The following RNF2 variants were observed in gnomAD, a reference collection of about 807,000 sequenced individuals.
The protein encoded by RNF2 is E3 ubiquitin-protein ligase RING2.
In RNF2, 6 loss-of-function variants were observed where a neutral mutation model predicts 37.2. The observed-to-expected ratio is 0.16, with a 90% CI of 0.09 to 0.32. RNF2 has a LOEUF of 0.32. RNF2 is among the 10% of genes least tolerant of loss of function. The probability of loss-of-function intolerance (pLI) is 1.00; values close to 1 mark genes in which losing one functional copy is unlikely to be tolerated. For missense variants in RNF2, 251 were observed against 404.0 expected, an observed-to-expected ratio of 0.62 and a Z score of 3.25; for synonymous variants, 133 against 132.7, an observed-to-expected ratio of 1.00 and a Z score of -0.02.
chr1:185,053,335 T>C (rs895177559), intron 1 of RNF2, among the ~76,000 whole-genome samples: 1 of 151,414 alleles, frequency 6.6e-6, no homozygotes, highest in Non-Finnish European at 1.5e-5. Context: ...CCTTTTTTTC[T>C]TTTTCTTTTT....
chr1:185,071,529 G>C (rs143463413), intron 1 of RNF2: 1 of 152,442 alleles, frequency 6.6e-6, no homozygotes, highest in East Asian at 1.9e-4. Flanking sequence ...GGCATCGTGC[G>C]TTTAGAGTCC....
chr1:185,068,060 A>G (rs937643216), intron 1 of RNF2, among the ~76,000 whole-genome samples: 2 of 147,752 alleles, frequency 1.4e-5, no homozygotes, highest in Admixed American at 6.7e-5. Flanking sequence ...CTGGAGTGCA[A>G]TGGTACGATC....
intron 1 of RNF2, among the ~76,000 whole-genome samples, chr1:185,047,838 G>A (rs1266592103): frequency 6.6e-6 from 1 of 152,130 alleles, no homozygotes; most frequent in African/African-American, 2.4e-5. Context: ...TTTTTAATTC[G>A]TGTTATTGCA....
intron 1 of RNF2, among the ~76,000 whole-genome samples, chr1:185,070,407 G>A (rs1004181738): frequency 2.6e-5 from 4 of 152,150 alleles, no homozygotes; most frequent in Non-Finnish European, 5.9e-5. Context: ...AACATAAAGG[G>A]ATCCCTAAAA....
chr1:185,059,096 C>CT (rs1025077947), intron 1 of RNF2, among the ~76,000 whole-genome samples: 3 of 152,080 alleles, frequency 2.0e-5, no homozygotes, highest in African/African-American at 7.2e-5. Flanking sequence ...CAGGATTAAG[C>CT]TTTTTTGTTG....
intron 1 of RNF2, among the ~76,000 whole-genome samples, chr1:185,057,157 T>C (rs1356658455): frequency 1.3e-5 from 2 of 151,470 alleles, no homozygotes; most frequent in African/African-American, 4.9e-5. Flanking sequence ...AAAAGAAAAA[T>C]AAAATTAGCT....
At chr1:185,096,551 T>C (rs1651916329) in intron 4 of RNF2, among the ~76,000 whole-genome samples, 1 of 152,112 alleles carries the variant, frequency 6.6e-6, no homozygotes, top group Admixed American at 6.5e-5. Flanking sequence ...GCTGTATTTG[T>C]ACTTTTGGGG....
Position 185,093,164 on chromosome 1 carries a change from G to C in RNF2, c.352G>C (p.Asp118His), listed in dbSNP as rs1475788060. The C allele has an allele frequency of 6.2e-7, 1 of 1,614,052 alleles. No individual in the cohort carries two copies. The stretch of plus-strand genomic sequence containing the variant: ...CATCAGCAAAATTTATCCAAGTCGT[G>C]ATGAGTATGAAGCTCATCAAGAGAG... ...ALISKIYPSR[D>H]EYEAHQERVL... Residue 118 changes from aspartate (D) to histidine (H), a missense_variant, in exon 4 of 7, where the codon GAT becomes CAT. Coordinates refer to ENST00000367510, the MANE Select transcript of RNF2 (RefSeq NM_007212.4).
intron 2 of RNF2, among the ~76,000 whole-genome samples, chr1:185,088,337 A>G (rs1035725455): frequency 3.9e-5 from 6 of 152,004 alleles, no homozygotes; most frequent in African/African-American, 7.2e-5. Flanking sequence ...ATTGAGAGAG[A>G]GGGGGGATTT....
chr1:185,064,296 A>G (rs1650735182), intron 1 of RNF2, among the ~76,000 whole-genome samples: 1 of 152,180 alleles, frequency 6.6e-6, no homozygotes, highest in African/African-American at 2.4e-5. Flanking sequence ...AGCTAGTCTT[A>G]TTGCACCAAT....
Position 185,048,766 on chromosome 1 carries a change from T to TA in RNF2, c.-3+3128dup, listed in dbSNP as rs201413941. 6.2e-3 allele frequency among the ~76,000 whole-genome samples: 907 copies of TA among 147,178 alleles called. 9 individuals carry two copies. Among genetic ancestry groups the TA allele is most frequent in the Middle Eastern group, 0.014 (4 of 280 alleles). ...TGCATAGAATGAAAATCACATGTAG[T>TA]AAAAAAAAAAATCATGCTTGAAAAT... On this transcript the variant is annotated intron_variant, in intron 1 of 6. Coordinates refer to ENST00000367510, the MANE Select transcript of RNF2 (RefSeq NM_007212.4).
rs1490554915 is a variant in RNF2 at position 185,091,174 on chromosome 1, A to AT, written c.88-402dup. Reference sequence around the variant, plus strand: ...GAAGGTGGACGTTTTCTGAGGGTTAATTTAGCCCTAACTTTCTCATTTTGC... The same window carrying AT: ...GAAGGTGGACGTTTTCTGAGGGTTAATTTTAGCCCTAACTTTCTCATTTTGC... On this transcript the variant is annotated intron_variant, in intron 2 of 6. Coordinates refer to ENST00000367510, the MANE Select transcript of RNF2 (RefSeq NM_007212.4). 2.0e-5 allele frequency among the ~76,000 whole-genome samples: 3 copies of AT among 152,302 alleles called. No individual in the cohort carries two copies. The East Asian group carries it at 5.8e-4, about 29-fold the overall frequency.
intron 1 of RNF2, among the ~76,000 whole-genome samples, chr1:185,047,706 C>T (rs1047238584): frequency 6.6e-6 from 1 of 152,018 alleles, no homozygotes; most frequent in Non-Finnish European, 1.5e-5. Context: ...TGACTTAAAG[C>T]GCTTCATAAT....
intron 1 of RNF2, among the ~76,000 whole-genome samples, chr1:185,079,430 G>T (rs951918986): frequency 1.8e-4 from 27 of 152,092 alleles, no homozygotes; most frequent in African/African-American, 6.5e-4. Flanking sequence ...GGAGATTATA[G>T]TCAGCCTGAG....
At chr1:185,055,238 C>T (rs1038528234) in intron 1 of RNF2, among the ~76,000 whole-genome samples, 6 of 152,146 alleles carry the variant, frequency 3.9e-5, no homozygotes, top group Non-Finnish European at 5.9e-5. Flanking sequence ...ATTATACTTA[C>T]CAGTTGAGCA....
rs1248754790 is a variant in RNF2 at position 185,100,040 on chromosome 1, A to T, written c.909+78A>T. The T allele has an allele frequency of 2.2e-6, 3 of 1,372,278 alleles. No individual in the cohort carries two copies. The East Asian group carries it at 6.9e-5, about 32-fold the overall frequency. 85.0% of individuals were successfully genotyped at this position (1,372,278 alleles called of 1,614,324 possible). Reference sequence around the variant, plus strand: ...ACTGAGTGGCAAGTGGTGGGGTAGAATCTAATAAATAATGTAAAAAACCGT... The same window carrying T: ...ACTGAGTGGCAAGTGGTGGGGTAGATTCTAATAAATAATGTAAAAAACCGT... On this transcript the variant is annotated intron_variant, in intron 6 of 6. Transcript: ENST00000367510.
intron 1 of RNF2, among the ~76,000 whole-genome samples, chr1:185,070,633 CT>C (rs1650940214): frequency 7.0e-6 from 1 of 142,112 alleles, no homozygotes; most frequent in Admixed American, 7.0e-5. Flanking sequence ...GCAGTATTTT[CT>C]TTTCTTTTTT....
At chr1:185,094,622 A>T (rs1489147499) in intron 4 of RNF2, among the ~76,000 whole-genome samples, 1 of 152,202 alleles carries the variant, frequency 6.6e-6, no homozygotes, top group African/African-American at 2.4e-5. Context: ...CACATAGTCT[A>T]TTCTCAGCAC....
chr1:185,091,768 T>C (rs1279292329), intron 3 of RNF2, 29 bp downstream of exon 3: 3 of 1,565,754 alleles, frequency 1.9e-6, no homozygotes, highest in Admixed American at 3.6e-5. Context: ...TTATACTAGG[T>C]ACTTAATTGT....
Sources: gnomAD v4.1 joint callset for allele counts (sites outside exome capture counted in the v4.1 genomes callset) on GRCh38, gnomAD v4.1.1 for gene constraint, MANE v1.5 for transcripts, NCBI Gene and HGNC (gene_info 2026-07-23, HGNC 2026-07-21) for gene names.